MRE11: variants seen among roughly 807,000 people sequenced by gnomAD.
MRE11 encodes double-strand break repair protein MRE11.
MRE11 carries 62 observed loss-of-function variants against 91.7 expected under a neutral mutation model. The ratio of observed to expected loss-of-function variants is 0.68; its 90% CI spans 0.55 to 0.84. MRE11 has a LOEUF of 0.84. Among genes scored for constraint, MRE11 ranks in the 40% least tolerant of loss-of-function variants. MRE11 has a pLI of 0.00. For synonymous variants in MRE11, 273 were observed against 271.4 expected (o/e 1.01, Z -0.06); for missense variants, 796 against 852.9 (o/e 0.93, Z 0.83).
At position 94,463,387 on chromosome 11, in the gene MRE11, C is replaced by T. The variant is rs578021174; in HGVS notation, c.1225+726G>A. 5.8e-3 allele frequency among the ~76,000 whole-genome samples: 876 copies of T among 152,154 alleles called. 5 individuals are homozygous for T. Among genetic ancestry groups the T allele is most frequent in the African/African-American group, 0.019 (792 of 41,506 alleles). ...AGACAGTGTGGTGATTCCTCAAGGACCTAGAACTAGAAATACCATTTGACC... is the reference window on the plus strand; with the variant it reads ...AGACAGTGTGGTGATTCCTCAAGGATCTAGAACTAGAAATACCATTTGACC... On this transcript the variant is annotated intron_variant, in intron 11 of 19. Coordinates refer to ENST00000323929, the MANE Select transcript of MRE11 (RefSeq NM_005591.4).
chr11:94,452,730 T>C (rs1270722576), intron 14 of MRE11, among the ~76,000 whole-genome samples: 1 of 152,214 alleles, frequency 6.6e-6, no homozygotes, highest in African/African-American at 2.4e-5. Context: ...GCTTAACTCA[T>C]GAGTGCAGGT....
At chr11:94,498,080 G>C (rs758071098), upstream of MRE11, 1 of 1,607,834 alleles carries the variant, frequency 6.2e-7, no homozygotes, top group East Asian at 2.2e-5. Context: ...GCTTACCACA[G>C]TGCGGAGACT....
chr11:94,447,887 C>T (rs1945983310), intron 14 of MRE11, among the ~76,000 whole-genome samples: 1 of 151,908 alleles, frequency 6.6e-6, no homozygotes, highest in South Asian at 2.1e-4. Context: ...AGGAGAACCT[C>T]CCCACCAATC....
intron 18 of MRE11, among the ~76,000 whole-genome samples, chr11:94,431,193 A>G (rs1161626626): frequency 6.6e-6 from 1 of 152,254 alleles, no homozygotes; most frequent in East Asian, 1.9e-4. Context: ...TTATGTCAGA[A>G]GTAAATAGAA....
Position 94,460,994 on chromosome 11 carries a change from T to G in MRE11, c.1268A>C (p.Glu423Ala), listed in dbSNP as rs1565221498. ...NFGKLITKPSEGTTLRVEDLV... is the reference protein window; with the variant it reads ...NFGKLITKPSAGTTLRVEDLV... The stretch of plus-strand genomic sequence containing the variant: ...ATCTTCTACCCTTAAAGTTGTTCCT[T>G]CTGAAGGCTTTGTGATAAGTTTCCC... Residue 423 changes from glutamate to alanine, a missense_variant, in exon 12 of 20, where the codon GAA becomes GCA. Physicochemically the swap from Glu to Ala is moderately radical, Grantham distance 107 (BLOSUM62 -1). Coordinates refer to ENST00000323929, the MANE Select transcript of MRE11 (RefSeq NM_005591.4). 2.5e-6 allele frequency: 4 copies of G among 1,613,666 alleles called. No individual in the cohort carries two copies. The highest frequency in any genetic ancestry group is 3.4e-6 in the Non-Finnish European group (4 of 1,179,982).
At position 94,418,703 on chromosome 11, in the gene MRE11, G is replaced by A. The variant is rs1282408600; in HGVS notation, c.*1422C>T. 3 of 232,486 alleles carry A rather than the reference G, an allele frequency of 1.3e-5. No homozygotes were observed. Among genetic ancestry groups the A allele is most frequent in the South Asian group, 1.8e-4 (1 of 5,524 alleles). The allele number at this position is 232,486 out of a possible 1,614,324, so 14.4% of individuals were successfully genotyped here. ...TTCAAGTTCAATAAAGATGTGGGCAGATCTGCCTAAGAATATTTCACAGGA... is the reference window on the plus strand; with the variant it reads ...TTCAAGTTCAATAAAGATGTGGGCAAATCTGCCTAAGAATATTTCACAGGA... On this transcript the variant is annotated 3_prime_UTR_variant, in exon 20 of 20. Transcript: ENST00000323929.
intron 10 of MRE11, 38 bp downstream of exon 10, chr11:94,467,775 A>C: frequency 1.3e-6 from 2 of 1,522,746 alleles, no homozygotes; most frequent in Non-Finnish European, 1.8e-6. Context: ...CTATGCTTTG[A>C]AAATTAATAA....
At chr11:94,498,952 T>C in the MRE11 span, 2 of 170,914 alleles carry the variant, frequency 1.2e-5, no homozygotes, top group Non-Finnish European at 2.5e-5. Flanking sequence ...AATATTCTGA[T>C]ACAATTCAGC....
chr11:94,492,589 G>T (rs1210581607), intron 2 of MRE11, 193 bp downstream of exon 2: 1 of 965,200 alleles, frequency 1.0e-6, no homozygotes, highest in South Asian at 1.4e-5. Context: ...ATCTATAGCT[G>T]CATATTAGCT....
chr11:94,437,241 AT>A lies in MRE11; in HGVS notation c.1868-7del. 1 of 1,611,624 alleles carries A rather than the reference AT, an allele frequency of 6.2e-7. No individual in the cohort carries two copies. The highest frequency in any genetic ancestry group is 8.5e-7 in the Non-Finnish European group (1 of 1,178,440). ...CTGTCTTGTAGATTTAAAGGCTAGAATGAAAAAGATGAAATGTGCATTATGT... is the reference window on the plus strand; with the variant it reads ...CTGTCTTGTAGATTTAAAGGCTAGAAGAAAAAGATGAAATGTGCATTATGT... On this transcript the variant is annotated splice_region_variant and splice_polypyrimidine_tract_variant and intron_variant, in intron 16 of 19. Transcript: ENST00000323929.
Position 94,438,129 on chromosome 11 carries a change from AAAAACAAAAC to A in MRE11, c.1868-904_1868-895del, listed in dbSNP as rs373325204. Among the ~76,000 whole-genome samples the A allele has an allele frequency of 5.1e-3, 773 of 152,134 alleles. 18 individuals carry two copies. Among genetic ancestry groups the A allele is most frequent in the East Asian group, 4.8e-3 (25 of 5,188 alleles). Reference sequence around the variant, plus strand: ...GGCAACAGAGCGAAACTCCGTCTCAAAAAACAAAACAAAACAAAACAAAACAAAACCTACA... The same window carrying A: ...GGCAACAGAGCGAAACTCCGTCTCAAAAAACAAAACAAAACAAAACCTACA... On this transcript the variant is annotated intron_variant, in intron 16 of 19. Transcript: ENST00000323929.
At position 94,416,189 on chromosome 11, in the gene MRE11, G is replaced by A. The variant is rs1945029179; in HGVS notation, c.*3936C>T. ...GAAACGTGTTCCTAATTGTCGGTGG[G>A]GAGAGGATTAAAGGTAAGCACACAC... is the stretch of plus-strand genomic sequence containing the variant. On this transcript the variant is annotated 3_prime_UTR_variant, in exon 20 of 20. Coordinates refer to ENST00000323929, the MANE Select transcript of MRE11 (RefSeq NM_005591.4). The A allele has an allele frequency of 6.6e-6, 1 of 152,126 alleles. No homozygotes were observed. 9.4% of individuals were successfully genotyped at this position (152,126 alleles called of 1,614,324 possible).
the MRE11 span, among the ~76,000 whole-genome samples, chr11:94,501,495 A>C: frequency 1.4e-4 from 21 of 152,204 alleles, no homozygotes; most frequent in East Asian, 4.1e-3. Context: ...AAAATATGAG[A>C]TATATATTTA....
At chr11:94,446,137 G>A (rs998641697) in intron 15 of MRE11, among the ~76,000 whole-genome samples, 6 of 152,224 alleles carry the variant, frequency 3.9e-5, no homozygotes, top group Non-Finnish European at 8.8e-5. Context: ...GCTGGACGTG[G>A]TAGCTCACGC....
intron 13 of MRE11, among the ~76,000 whole-genome samples, chr11:94,456,792 T>C (rs2134973115): frequency 6.6e-6 from 1 of 152,304 alleles, no homozygotes; most frequent in Non-Finnish European, 1.5e-5. Flanking sequence ...TCCATTTTTA[T>C]TAAGAGTCAA....
intron 7 of MRE11, chr11:94,475,349 CA>C (rs1436945239): frequency 3.6e-6 from 1 of 278,144 alleles, no homozygotes; most frequent in African/African-American, 2.2e-5. Flanking sequence ...AGGTTATATG[CA>C]AATGCTATAC....
At position 94,464,212 on chromosome 11, in the gene MRE11, A is replaced by G. The variant is rs1946500146; in HGVS notation, c.1126T>C (p.Phe376Leu). 6 of 1,613,972 alleles carry G rather than the reference A, an allele frequency of 3.7e-6. No individual in the cohort carries two copies. The highest frequency in any genetic ancestry group is 5.1e-6 in the Non-Finnish European group (6 of 1,179,914). ...RVDYSGGFEPFSVLRFSQKFV... is the reference protein window; with the variant it reads ...RVDYSGGFEPLSVLRFSQKFV... ...TTCTGGCTAAAGCGAAGAACACTGA[A>G]AGGTTCAAAACCTCCACTATAGTCC... The change falls in exon 11 of 20, where the codon TTC becomes CTC. Residue 376 changes from phenylalanine to leucine, a missense_variant. Physicochemically the swap from Phe to Leu is conservative, Grantham distance 22 (BLOSUM62 0). Coordinates refer to ENST00000323929, the MANE Select transcript of MRE11 (RefSeq NM_005591.4).
In MRE11 at chr11:94,431,214, G is replaced by A. The variant is rs148012028; in HGVS notation, c.1995-1228C>T. Among the ~76,000 whole-genome samples the A allele has an allele frequency of 2.1e-3, 325 of 152,190 alleles. 2 individuals carry two copies. Among genetic ancestry groups the A allele is most frequent in the African/African-American group, 7.4e-3 (307 of 41,514 alleles). On this transcript the variant is annotated intron_variant, in intron 18 of 19. Transcript: ENST00000323929. Reference sequence around the variant, plus strand: ...CAGAAGTAAATAGAAAAATTCACAGGTCCTTTGCACTAAAGGAAAGGACAG... The same window carrying A: ...CAGAAGTAAATAGAAAAATTCACAGATCCTTTGCACTAAAGGAAAGGACAG...
chr11:94,467,509 G>A (rs553033093), intron 10 of MRE11, among the ~76,000 whole-genome samples: 27 of 152,212 alleles, frequency 1.8e-4, no homozygotes, highest in Admixed American at 1.3e-3. Flanking sequence ...AAGAAACTGC[G>A]AGAAGGCCAA....
Sources: gnomAD v4.1 joint callset for allele counts (sites outside exome capture counted in the v4.1 genomes callset) on GRCh38, gnomAD v4.1.1 for gene constraint, MANE v1.5 for transcripts, NCBI Gene and HGNC (gene_info 2026-07-23, HGNC 2026-07-21) for gene names.